Variants in ANTXR2 observed in about 807,000 individuals in gnomAD.
The protein encoded by ANTXR2 is ANTXR cell adhesion molecule 2, also known as anthrax toxin receptor 2.
ANTXR2 carries 44 observed loss-of-function variants against 73.7 expected under a neutral mutation model. The observed-to-expected ratio is 0.60, with a 90% CI of 0.47 to 0.77. ANTXR2 has a LOEUF of 0.77. ANTXR2 is among the 30% of genes least tolerant of loss of function. ANTXR2 has a pLI of 0.00. For synonymous variants in ANTXR2, 217 were observed against 205.9 expected (o/e 1.05, Z -0.46); for missense variants, 604 against 592.5 (o/e 1.02, Z -0.20).
chr4:80,039,859 T>C (rs1733152390), intron 7 of ANTXR2, among the ~76,000 whole-genome samples: 1 of 152,058 alleles, frequency 6.6e-6, no homozygotes, highest in Admixed American at 6.6e-5. Context: ...AGCCATGGAA[T>C]CAACCTAGGT....
At chr4:80,034,091 G>C (rs1560414557) in intron 8 of ANTXR2, among the ~76,000 whole-genome samples, 1 of 152,080 alleles carries the variant, frequency 6.6e-6, no homozygotes, top group East Asian at 1.9e-4. Context: ...TACTAATCCT[G>C]ATTCATTTTC....
intron 12 of ANTXR2, among the ~76,000 whole-genome samples, chr4:80,001,351 A>G (rs1035826757): frequency 5.6e-5 from 7 of 124,262 alleles, no homozygotes; most frequent in Admixed American, 2.1e-4. Context: ...AGAGTGTGAT[A>G]TTCCCCTTCC....
At chr4:80,046,422 A>G (rs1161829218) in intron 7 of ANTXR2, among the ~76,000 whole-genome samples, 1 of 151,816 alleles carries the variant, frequency 6.6e-6, no homozygotes, top group Non-Finnish European at 1.5e-5. Flanking sequence ...ATTTAATGCT[A>G]GCTTAGAAAA....
At chr4:80,063,751 A>G (rs1734373059) in intron 3 of ANTXR2, among the ~76,000 whole-genome samples, 1 of 152,108 alleles carries the variant, frequency 6.6e-6, no homozygotes, top group Non-Finnish European at 1.5e-5. Flanking sequence ...AGACTTTCCT[A>G]TTTCTTAATA....
At chr4:79,930,670 T>C (rs1032894228) in intron 16 of ANTXR2, among the ~76,000 whole-genome samples, 2 of 152,188 alleles carry the variant, frequency 1.3e-5, no homozygotes, top group Admixed American at 1.3e-4. Context: ...TTCTTTTCCT[T>C]GCAACTATTA....
chr4:79,906,778 G>C lies in ANTXR2; in HGVS notation c.*651C>G, dbSNP rs1368235749. On this transcript the variant is annotated 3_prime_UTR_variant, in exon 17 of 17. Coordinates refer to ENST00000403729, the MANE Select transcript of ANTXR2 (RefSeq NM_058172.6). ...AAAACTAAAGGGCAAAATCTTGCTT[G>C]CTACCAATACCTTGAGGCATCTTGT... 1 of 152,630 alleles carries C rather than the reference G, an allele frequency of 6.6e-6. No individual in the cohort carries two copies. The highest frequency in any genetic ancestry group is 1.9e-4 in the East Asian group (1 of 5,190). 9.5% of individuals were successfully genotyped at this position (152,630 alleles called of 1,614,324 possible). A position where few individuals can be genotyped will look rare whatever the true frequency, so the allele number is the denominator to read the frequency against.
intron 3 of ANTXR2, among the ~76,000 whole-genome samples, chr4:80,068,531 G>T (rs527480015): frequency 2.0e-5 from 3 of 152,144 alleles, no homozygotes; most frequent in African/African-American, 7.2e-5. Flanking sequence ...AACTTTGGGA[G>T]GTCAAGGCAG....
At chr4:80,071,260 T>C (rs1189142438) in intron 2 of ANTXR2, among the ~76,000 whole-genome samples, 2 of 88,414 alleles carry the variant, frequency 2.3e-5, no homozygotes, top group African/African-American at 6.7e-5. Context: ...ACTATTCGCA[T>C]AAAATTTATT....
At chr4:79,945,083 T>C (rs182460736) in intron 16 of ANTXR2, among the ~76,000 whole-genome samples, 1 of 152,260 alleles carries the variant, frequency 6.6e-6, no homozygotes, top group East Asian at 1.9e-4. Context: ...CCAGAGTTAT[T>C]TAACTAATGA....
intron 12 of ANTXR2, among the ~76,000 whole-genome samples, chr4:79,998,460 T>C (rs1219711412): frequency 6.6e-6 from 1 of 152,008 alleles, no homozygotes; most frequent in African/African-American, 2.4e-5. Context: ...CCACCTCATC[T>C]GTAATTCATC....
chr4:79,989,720 C>G (rs1158955846), intron 12 of ANTXR2, among the ~76,000 whole-genome samples: 1 of 151,776 alleles, frequency 6.6e-6, no homozygotes, highest in Non-Finnish European at 1.5e-5. Context: ...GAACATAGAC[C>G]CAAAAATCCT....
intron 16 of ANTXR2, among the ~76,000 whole-genome samples, chr4:79,973,931 C>A (rs780645626): frequency 4.8e-4 from 73 of 152,218 alleles, no homozygotes; most frequent in Non-Finnish European, 7.5e-4. Flanking sequence ...AACATAAAGG[C>A]AAAACGGCAA....
intron 9 of ANTXR2, 71 bp from the exon 10 acceptor site, chr4:80,031,763 A>G: frequency 1.1e-6 from 1 of 877,264 alleles, no homozygotes; most frequent in Non-Finnish European, 1.6e-6. Context: ...AATAATATGA[A>G]CAGCATGCTT....
intron 10 of ANTXR2, among the ~76,000 whole-genome samples, chr4:80,024,056 G>A (rs72655024): frequency 0.012 from 1,799 of 152,246 alleles, 15 homozygotes; most frequent in Non-Finnish European, 0.019. Flanking sequence ...AAGTACCAAA[G>A]TAGAATTGAA....
intron 16 of ANTXR2, among the ~76,000 whole-genome samples, chr4:79,909,559 T>G (rs1222219844): frequency 1.3e-5 from 2 of 152,048 alleles, no homozygotes; most frequent in Non-Finnish European, 2.9e-5. Context: ...CTGCTGATTT[T>G]GACTCTGAGG....
At chr4:80,044,858 A>G (rs1318717471) in intron 7 of ANTXR2, among the ~76,000 whole-genome samples, 1 of 151,894 alleles carries the variant, frequency 6.6e-6, no homozygotes, top group African/African-American at 2.4e-5. Flanking sequence ...TATCTTATGA[A>G]TAGCAGCTAC....
At chr4:79,927,048 T>TGC (rs1428549731) in intron 16 of ANTXR2, among the ~76,000 whole-genome samples, 1 of 78,432 alleles carries the variant, frequency 1.3e-5, no homozygotes, top group Non-Finnish European at 3.3e-5. Context: ...TATATATATG[T>TGC]GCGTGTGTGT....
At chr4:80,036,317 G>T (rs1459293539) in intron 7 of ANTXR2, among the ~76,000 whole-genome samples, 2 of 152,056 alleles carry the variant, frequency 1.3e-5, no homozygotes, top group African/African-American at 4.8e-5. Flanking sequence ...ATAACCTTGG[G>T]TATGAATAGA....
chr4:80,020,477 C>T (rs1022649371), intron 10 of ANTXR2, among the ~76,000 whole-genome samples: 2 of 152,174 alleles, frequency 1.3e-5, no homozygotes, highest in Non-Finnish European at 2.9e-5. Flanking sequence ...TTATTCAGTT[C>T]TTACTATTGC....
Sources: allele counts gnomAD v4.1 joint callset (sites outside exome capture counted in the v4.1 genomes callset), GRCh38; gene constraint gnomAD v4.1.1; transcripts MANE v1.5; gene names NCBI Gene and HGNC (gene_info 2026-07-23, HGNC 2026-07-21).